CCNL2: variants seen among roughly 807,000 people sequenced by gnomAD.
CCNL2 encodes the protein cyclin-L2.
A neutral mutation model predicts 59.1 loss-of-function variants in CCNL2; 28 were observed. That is an observed-to-expected ratio of 0.47 (90% CI 0.35 to 0.65). The LOEUF (loss-of-function observed/expected upper bound fraction) is 0.65. CCNL2 is among the 30% of genes least tolerant of loss of function. The pLI is 0.00. For synonymous variants in CCNL2, 342 were observed against 288.6 expected (o/e 1.19, Z -1.88); for missense variants, 714 against 717.4 (o/e 1.00, Z 0.05).
At chr1:1,395,290 C>T (rs1440846103) in intron 4 of CCNL2, 104 bp downstream of exon 4, 5 of 1,250,518 alleles carry the variant, frequency 4.0e-6, no homozygotes, top group Admixed American at 2.5e-5. Flanking sequence ...GTCAGGGATG[C>T]ACTCAGTCCT....
At position 1,386,865 on chromosome 1, in the gene CCNL2, G is replaced by T. The variant is rs966392482; in HGVS notation, c.*366C>A. Reference sequence around the variant, plus strand: ...ATCTTTCTTGGCTTCACGTAATTGAGTATCAGTCGGGGAGTGGAGAGCGGC... The same window carrying T: ...ATCTTTCTTGGCTTCACGTAATTGATTATCAGTCGGGGAGTGGAGAGCGGC... On this transcript the variant is annotated 3_prime_UTR_variant, in exon 11 of 11. Transcript: ENST00000400809. 4.9e-6 allele frequency: 1 copy of T among 205,728 alleles called. No homozygotes were observed. The allele number at this position is 205,728 out of a possible 1,614,324, so 12.7% of individuals were successfully genotyped here.
intron 1 of CCNL2, 54 bp downstream of exon 1, chr1:1,398,965 G>A (rs1645213683): frequency 6.6e-7 from 1 of 1,513,542 alleles, no homozygotes; most frequent in Admixed American, 2.1e-5. Context: ...GCCAACAAAG[G>A]CGGCTGCCGC....
At chr1:1,387,731 G>T (rs1644531119) in intron 10 of CCNL2, 46 bp downstream of exon 10, 3 of 1,528,162 alleles carry the variant, frequency 2.0e-6, no homozygotes, top group African/African-American at 1.4e-5. Context: ...CCGAGGGACA[G>T]CCCCACCCCG....
chr1:1,387,932 C>A, intron 9 of CCNL2, 22 bp downstream of exon 9: 4 of 1,613,208 alleles, frequency 2.5e-6, no homozygotes, highest in Non-Finnish European at 2.5e-6. Context: ...TGACAGCCAC[C>A]TGGGCAGCCC....
At chr1:1,395,814 T>C (rs1400766906) in intron 3 of CCNL2, among the ~76,000 whole-genome samples, 2 of 152,192 alleles carry the variant, frequency 1.3e-5, no homozygotes, top group Admixed American at 1.3e-4. Flanking sequence ...TAAAGCACTT[T>C]ATGTGACTCA....
At chr1:1,392,916 T>A in intron 5 of CCNL2, 1 of 1,077,604 alleles carries the variant, frequency 9.3e-7, no homozygotes, top group Non-Finnish European at 1.4e-6. Context: ...CTTAACTCCA[T>A]GGGAAAAAAT....
At position 1,394,649 on chromosome 1, in the gene CCNL2, C is replaced by A. The variant is rs191136098; in HGVS notation, c.594+745G>T. ...CCTGTAATCCCAGCTACTTGGGAGG[C>A]TGAGGCACAAGAATCACTTGAACCT... On this transcript the variant is annotated intron_variant, in intron 4 of 10. Transcript: ENST00000400809. 1.1e-3 allele frequency among the ~76,000 whole-genome samples: 172 copies of A among 149,970 alleles called. 2 individuals carry two copies. The highest frequency in any genetic ancestry group is 3.9e-3 in the African/African-American group (160 of 40,710).
At chr1:1,397,543 A>G (rs1278103298) in intron 3 of CCNL2, among the ~76,000 whole-genome samples, 2 of 152,188 alleles carry the variant, frequency 1.3e-5, no homozygotes, top group African/African-American at 4.8e-5. Context: ...TGAATCCTGC[A>G]GCACACAGGA....
At chr1:1,392,517 C>T in intron 5 of CCNL2, 2 of 1,317,200 alleles carry the variant, frequency 1.5e-6, no homozygotes. Context: ...GGTACTGCAT[C>T]TTTATCATAC....
chr1:1,396,921 T>C (rs568343486), intron 3 of CCNL2, among the ~76,000 whole-genome samples: 8 of 152,084 alleles, frequency 5.3e-5, no homozygotes, highest in African/African-American at 1.9e-4. Context: ...GCTAACTTTT[T>C]TGTATTTTTA....
chr1:1,396,994 G>A (rs985685289), intron 3 of CCNL2, among the ~76,000 whole-genome samples: 16 of 152,036 alleles, frequency 1.1e-4, no homozygotes, highest in African/African-American at 3.9e-4. Context: ...TGATCCACCC[G>A]CCTCGGCCTC....
intron 3 of CCNL2, among the ~76,000 whole-genome samples, chr1:1,396,905 C>T (rs796131989): frequency 4.6e-5 from 7 of 152,246 alleles, no homozygotes; most frequent in Admixed American, 1.3e-4. Context: ...CCCGCCACCA[C>T]GCCTGGCTAA....
At chr1:1,392,445 G>C (rs1000308546) in intron 5 of CCNL2, 2 of 1,195,468 alleles carry the variant, frequency 1.7e-6, no homozygotes, top group Non-Finnish European at 2.1e-6. Context: ...ACCCCACACT[G>C]ACACAGCCAA....
At chr1:1,387,895 C>T in intron 9 of CCNL2, 26 bp from the exon 10 acceptor site, 1 of 1,613,794 alleles carries the variant, frequency 6.2e-7, no homozygotes, top group Non-Finnish European at 8.5e-7. Flanking sequence ...GAGCCAGTTA[C>T]AAAGCAGAAG....
intron 5 of CCNL2, 157 bp downstream of exon 5, chr1:1,393,239 G>T: frequency 1.5e-6 from 1 of 661,222 alleles, no homozygotes; most frequent in Non-Finnish European, 2.7e-6. Context: ...CATTTTGGGA[G>T]TCTGATTGGA....
At position 1,398,805 on chromosome 1, in the gene CCNL2, C is replaced by CG; in HGVS notation, c.289-135dup. 4.9e-6 allele frequency: 6 copies of CG among 1,233,468 alleles called. No homozygotes were observed. The South Asian group carries it at 8.5e-5, about 18-fold the overall frequency. The allele number at this position is 1,233,468 out of a possible 1,614,324, so 76.4% of individuals were successfully genotyped here. On this transcript the variant is annotated intron_variant, in intron 1 of 10. Coordinates refer to ENST00000400809, the MANE Select transcript of CCNL2 (RefSeq NM_030937.6). ...GCTTCCCACGTCCACAAAGGCTCTT[C>CG]GCGTCCCGCCGTCTCGGGATCCAGC...
Position 1,387,228 on chromosome 1 carries a change from G to C in CCNL2, c.*3C>G. The C allele has an allele frequency of 6.3e-7, 1 of 1,596,566 alleles. No homozygotes were observed. The highest frequency in any genetic ancestry group is 8.5e-7 in the Non-Finnish European group (1 of 1,173,816). On this transcript the variant is annotated 3_prime_UTR_variant, in exon 11 of 11. Transcript: ENST00000400809. ...TGCGGCCACCAGTCACTGCAACCCCGCCTCACCTCCGATGCCTGCTGTGCC... is the reference window on the plus strand; with the variant it reads ...TGCGGCCACCAGTCACTGCAACCCCCCCTCACCTCCGATGCCTGCTGTGCC...
chr1:1,387,531 G>T lies in CCNL2; in HGVS notation c.1263C>A (p.Ser421=). 4 of 1,548,302 alleles carry T rather than the reference G, an allele frequency of 2.6e-6. No individual in the cohort carries two copies. Among genetic ancestry groups the T allele is most frequent in the Non-Finnish European group, 3.5e-6 (4 of 1,150,840 alleles). ...TSGGSKSQSR[S]RSRSDSPPRQ... ...TCGGTGGGGAGTCACTCCTGCTCCG[G>T]GAGCGGCTCTGCGACTTGGACCCAC... The change falls in exon 11 of 11, where the codon TCC becomes TCA. Residue 421 remains serine, a synonymous_variant. Transcript: ENST00000400809.
At chr1:1,394,436 C>T (rs1644907164) in intron 4 of CCNL2, among the ~76,000 whole-genome samples, 3 of 152,120 alleles carry the variant, frequency 2.0e-5, no homozygotes. Flanking sequence ...GTAAAGCTAT[C>T]ACTAAAGCAA....
Sources: gnomAD v4.1 joint callset for allele counts (sites outside exome capture counted in the v4.1 genomes callset) on GRCh38, gnomAD v4.1.1 for gene constraint, MANE v1.5 for transcripts, NCBI Gene and HGNC (gene_info 2026-07-23, HGNC 2026-07-21) for gene names.